The following TMEM74 variants were observed in gnomAD, a reference collection of about 807,000 sequenced individuals.
The protein encoded by TMEM74 is transmembrane protein 74.
A neutral mutation model predicts 18.1 loss-of-function variants in TMEM74; 13 were observed. The ratio of observed to expected loss-of-function variants is 0.72; its 90% confidence interval spans 0.47 to 1.14. The LOEUF is 1.14. Ranked by LOEUF, TMEM74 falls within the 50% of genes most tolerant of loss-of-function variation. The pLI, the probability that TMEM74 is intolerant of heterozygous loss-of-function variation, is 0.00. For missense variants in TMEM74, 372 were observed against 375.9 expected (o/e 0.99, Z 0.09); for synonymous variants, 159 against 146.6 (o/e 1.08, Z -0.61).
intron 1 of TMEM74, among the ~76,000 whole-genome samples, chr8:108,754,639 ATAGG>A (rs71564017): frequency 4.1e-5 from 6 of 147,738 alleles, no homozygotes; most frequent in East Asian, 2.0e-4. Context: ...AATAGGATGG[ATAGG>A]TAGGTAGGTA....
At chr8:108,669,161 C>T (rs1037909547) in intron 1 of TMEM74, among the ~76,000 whole-genome samples, 1 of 152,028 alleles carries the variant, frequency 6.6e-6, no homozygotes, top group Admixed American at 6.6e-5. Flanking sequence ...ACTTATAGAT[C>T]TCTCTCGTTT....
intron 2 of TMEM74, among the ~76,000 whole-genome samples, chr8:108,648,843 A>C (rs1812745628): frequency 6.6e-6 from 1 of 152,180 alleles, no homozygotes; most frequent in Non-Finnish European, 1.5e-5. Flanking sequence ...ACCCTCAGGA[A>C]ATACAAACTA....
At chr8:108,710,126 C>T (rs1388229316) in intron 1 of TMEM74, among the ~76,000 whole-genome samples, 1 of 152,190 alleles carries the variant, frequency 6.6e-6, no homozygotes, top group Non-Finnish European at 1.5e-5. Flanking sequence ...TCATAAGGTG[C>T]CTAGCACACT....
chr8:108,761,799 T>C (rs1342447994), intron 1 of TMEM74, among the ~76,000 whole-genome samples: 1 of 152,150 alleles, frequency 6.6e-6, no homozygotes, highest in Non-Finnish European at 1.5e-5. Context: ...AATTCCCTTA[T>C]GAAATATATT....
intron 1 of TMEM74, among the ~76,000 whole-genome samples, chr8:108,707,052 G>A (rs1355594908): frequency 6.6e-6 from 1 of 151,724 alleles, no homozygotes; most frequent in Non-Finnish European, 1.5e-5. Flanking sequence ...GGATGAAGCT[G>A]GAAACCATCA....
rs561618717 is a variant in TMEM74 at position 108,731,350 on chromosome 8, G to A, written n.119+56126C>T. The stretch of plus-strand genomic sequence containing the variant: ...CAATCTTATAATCAATAGAATACAT[G>A]TTCTCAATACTTGGAAACTCAGCAT... On this transcript the variant is annotated intron_variant and non_coding_transcript_variant, in intron 1 of 3. Coordinates refer to the TMEM74 transcript ENST00000518838. Among the ~76,000 whole-genome samples the A allele has an allele frequency of 3.9e-5, 6 of 152,072 alleles. No individual in the cohort carries two copies. The East Asian group carries it at 1.2e-3, about 29-fold the overall frequency.
At chr8:108,670,158 T>C (rs765061013) in intron 1 of TMEM74, among the ~76,000 whole-genome samples, 110 of 152,174 alleles carry the variant, frequency 7.2e-4, no homozygotes, top group Non-Finnish European at 9.3e-4. Context: ...ATGTTCACTC[T>C]GAATCTGGAT....
chr8:108,727,887 A>T (rs1300587700), intron 1 of TMEM74, among the ~76,000 whole-genome samples: 3 of 152,162 alleles, frequency 2.0e-5, no homozygotes, highest in Non-Finnish European at 4.4e-5. Context: ...AGTCAGGGGA[A>T]TGTGGTGGCC....
chr8:108,623,845 G>A (rs1428756935), intron 2 of TMEM74, among the ~76,000 whole-genome samples: 2 of 152,018 alleles, frequency 1.3e-5, no homozygotes, highest in African/African-American at 4.8e-5. Flanking sequence ...TTGCTGTCCT[G>A]TAGGTAAAGG....
At chr8:108,712,565 G>A (rs1813484869) in intron 1 of TMEM74, among the ~76,000 whole-genome samples, 1 of 152,100 alleles carries the variant, frequency 6.6e-6, no homozygotes, top group Non-Finnish European at 1.5e-5. Flanking sequence ...ACGCATATCA[G>A]GCTGCTCCCT....
chr8:108,686,299 C>T (rs533156664), intron 1 of TMEM74, among the ~76,000 whole-genome samples: 2 of 152,174 alleles, frequency 1.3e-5, no homozygotes, highest in African/African-American at 2.4e-5. Flanking sequence ...CCTGGGTTCA[C>T]GCCATTCTCC....
At chr8:108,740,140 A>G (rs1308391084) in intron 1 of TMEM74, among the ~76,000 whole-genome samples, 1 of 152,228 alleles carries the variant, frequency 6.6e-6, no homozygotes, top group Non-Finnish European at 1.5e-5. Flanking sequence ...GCAAACAGCC[A>G]GCAAGTCTAG....
At chr8:108,687,318 A>G (rs1455335355) in intron 1 of TMEM74, among the ~76,000 whole-genome samples, 1 of 150,210 alleles carries the variant, frequency 6.7e-6, no homozygotes, top group Non-Finnish European at 1.5e-5. Context: ...TTTCTGCACA[A>G]GGAAAGATCC....
In TMEM74 at chr8:108,657,586, G is replaced by A. The variant is rs141502890; in HGVS notation, n.120-2149C>T. Among the ~76,000 whole-genome samples, 1,116 of 151,538 alleles carry A rather than the reference G, an allele frequency of 7.4e-3. 17 individuals carry two copies. Among genetic ancestry groups the A allele is most frequent in the African/African-American group, 0.026 (1,061 of 41,298 alleles). Reference sequence around the variant, plus strand: ...TAAAAAATATTTTTGGACCGGGCGCGGTGGCTCACCCCTGTAATCCCAGCA... The same window carrying A: ...TAAAAAATATTTTTGGACCGGGCGCAGTGGCTCACCCCTGTAATCCCAGCA... On this transcript the variant is annotated intron_variant and non_coding_transcript_variant, in intron 1 of 3. Transcript: ENST00000518838.
chr8:108,637,209 A>G (rs372508889), intron 2 of TMEM74, among the ~76,000 whole-genome samples: 1 of 152,168 alleles, frequency 6.6e-6, no homozygotes, highest in East Asian at 1.9e-4. Flanking sequence ...CAATAAGCTT[A>G]TAAATCAGAA....
intron 1 of TMEM74, among the ~76,000 whole-genome samples, chr8:108,768,811 G>T (rs1814138747): frequency 6.6e-6 from 1 of 152,128 alleles, no homozygotes; most frequent in Non-Finnish European, 1.5e-5. Context: ...TCCCTCAACT[G>T]CTGTCACCTT....
intron 1 of TMEM74, among the ~76,000 whole-genome samples, chr8:108,703,020 T>G (rs1235530090): frequency 6.6e-6 from 1 of 152,126 alleles, no homozygotes; most frequent in Non-Finnish European, 1.5e-5. Context: ...GAGTTGATTC[T>G]AGACCTTGCT....
At chr8:108,671,382 G>A (rs1295454499) in intron 1 of TMEM74, among the ~76,000 whole-genome samples, 1 of 152,158 alleles carries the variant, frequency 6.6e-6, no homozygotes, top group Non-Finnish European at 1.5e-5. Flanking sequence ...AAGGTTAGAA[G>A]GCCCCCTGGG....
intron 2 of TMEM74, among the ~76,000 whole-genome samples, chr8:108,623,542 A>G (rs893206069): frequency 3.9e-5 from 6 of 152,018 alleles, no homozygotes; most frequent in African/African-American, 1.4e-4. Flanking sequence ...TAATATTTAC[A>G]CTTGTATATA....
Sources: allele counts gnomAD v4.1 joint callset (sites outside exome capture counted in the v4.1 genomes callset), GRCh38; gene constraint gnomAD v4.1.1; transcripts MANE v1.5; gene names NCBI Gene and HGNC (gene_info 2026-07-23, HGNC 2026-07-21).